HOPX: variants seen among roughly 807,000 people sequenced by gnomAD.
The protein encoded by HOPX is homeodomain-only protein.
Under a neutral mutation model 11.8 loss-of-function variants are expected in HOPX, and 5 were observed. The ratio of observed to expected loss-of-function variants is 0.43; its 90% CI spans 0.22 to 0.89. The LOEUF is 0.89. Among genes scored for constraint, HOPX ranks in the 40% least tolerant of loss-of-function variants. The pLI is 0.28. For synonymous variants in HOPX, 49 were observed against 49.7 expected, an observed-to-expected ratio of 0.99 and a Z score of 0.06; for missense variants, 119 against 120.0, an observed-to-expected ratio of 0.99 and a Z score of 0.04.
At chr4:56,656,103 C>T in intron 2 of HOPX, 91 bp from the exon 3 acceptor site, 1 of 1,320,814 alleles carries the variant, frequency 7.6e-7, no homozygotes, top group Non-Finnish European at 9.7e-7. Flanking sequence ...GCCGGGCAGC[C>T]CCAGCCCCAG....
chr4:56,666,944 T>A (rs1240692775), intron 1 of HOPX, among the ~76,000 whole-genome samples: 1 of 152,192 alleles, frequency 6.6e-6, no homozygotes, highest in Non-Finnish European at 1.5e-5. Context: ...TATTGAAATA[T>A]CCTGGTGAAA....
chr4:56,667,336 T>C (rs1718490596), intron 1 of HOPX, among the ~76,000 whole-genome samples: 1 of 152,268 alleles, frequency 6.6e-6, no homozygotes, highest in Admixed American at 6.5e-5. Flanking sequence ...GATTTGATAA[T>C]TCAATTTGTT....
chr4:56,670,524 T>C (rs573851216), intron 1 of HOPX, among the ~76,000 whole-genome samples: 1 of 152,336 alleles, frequency 6.6e-6, no homozygotes, highest in African/African-American at 2.4e-5. Flanking sequence ...ATATTCCTTT[T>C]ATGTTTTGGA....
intron 3 of HOPX, chr4:56,649,190 T>G (rs1716922719): frequency 6.1e-6 from 1 of 163,328 alleles, no homozygotes. Flanking sequence ...GTGTATTCAC[T>G]TGTTTTAAAT....
Position 56,648,815 on chromosome 4 carries a change from GA to G in HOPX, c.199-19del, listed in dbSNP as rs765957108. The G allele has an allele frequency of 6.3e-7, 1 of 1,595,764 alleles. No homozygotes were observed. The highest frequency in any genetic ancestry group is 8.6e-7 in the Non-Finnish European group (1 of 1,165,528). ...AACCATTTCTGGAAGAGAGAAATGA[GA>G]AAAAATATTTGTCACATACAGAAAA... is the stretch of plus-strand genomic sequence containing the variant. On this transcript the variant is annotated intron_variant, in intron 3 of 3. Transcript: ENST00000420433.
At chr4:56,656,373 C>G (rs1560365148) in intron 2 of HOPX, 3 of 1,017,970 alleles carry the variant, frequency 2.9e-6, no homozygotes, top group Non-Finnish European at 1.2e-6. Context: ...GTGAAGGAAG[C>G]GCGGGGGTGA....
chr4:56,680,527 C>A (rs1719268621), intron 1 of HOPX: 1 of 152,164 alleles, frequency 6.6e-6, no homozygotes, highest in South Asian at 2.1e-4. Context: ...TGTTTGCATT[C>A]CTTTTCTCTT....
rs181175233 is a variant in HOPX, at chr4:56,652,645, C to T, written c.198+3212G>A. ...CAACATAGTGAGACCCCCATCTCTA[C>T]AAACAATTTAAAAATTAGCTTAAAA... On this transcript the variant is annotated intron_variant, in intron 3 of 3. Coordinates refer to ENST00000420433, the MANE Select transcript of HOPX (RefSeq NM_032495.6). Among the ~76,000 whole-genome samples, 151 of 152,182 alleles carry T rather than the reference C, an allele frequency of 9.9e-4. 1 individual carries two copies. In the East Asian group the frequency reaches 0.027, roughly 27 times the overall value.
chr4:56,656,539 TTTGGGGCCCTCTCCAGGCA>T, intron 2 of HOPX: 1 of 931,290 alleles, frequency 1.1e-6, no homozygotes, highest in Non-Finnish European at 1.3e-6. Flanking sequence ...GGGTTGGCGC[TTTGGGGCCCTCTCCAGGCA>T]GGGCTGCACA....
intron 3 of HOPX, 24 bp from the exon 4 acceptor site, chr4:56,648,821 A>G (rs1267893628): frequency 6.3e-7 from 1 of 1,589,706 alleles, no homozygotes; most frequent in East Asian, 2.2e-5. Context: ...ATGAGAAAAA[A>G]TATTTGTCAC....
In HOPX at chr4:56,657,762, C is replaced by T. The variant is rs1479969221; in HGVS notation, c.42+13G>A. 1 of 1,056,574 alleles carries T rather than the reference C, an allele frequency of 9.5e-7. No individual in the cohort carries two copies. The highest frequency in any genetic ancestry group is 1.6e-5 in the African/African-American group (1 of 63,520). 65.4% of individuals were successfully genotyped at this position (1,056,574 alleles called of 1,614,324 possible). ...CACACAACTTCAGAGCTGGGAAGAA[C>T]CTTGGAAATTACCTCTTCCAGTCTT... On this transcript the variant is annotated intron_variant, in intron 2 of 3. Transcript: ENST00000420433.
Position 56,662,195 on chromosome 4 carries a change from G to A in HOPX, c.-83-4296C>T, listed in dbSNP as rs564179103. 2.6e-5 allele frequency among the ~76,000 whole-genome samples: 4 copies of A among 152,354 alleles called. No homozygotes were observed. The South Asian group carries it at 6.2e-4, about 24-fold the overall frequency. On this transcript the variant is annotated intron_variant, in intron 1 of 3. Transcript: ENST00000420433. Reference sequence around the variant, plus strand: ...TGTGGGTTTAAAATAGGATATCCATGTAAACTGAAATAATGCGCTTACATG... The same window carrying A: ...TGTGGGTTTAAAATAGGATATCCATATAAACTGAAATAATGCGCTTACATG...
chr4:56,655,887 G>A lies in HOPX; in HGVS notation c.168C>T (p.Ala56=). The part of the protein sequence containing the change: ...PDSTTLCLIA[A]EAGLSEEETQ... ...TCTCCTCCTCGGAAAGGCCTGCCTC[G>A]GCCGCGATGAGGCACAGCGTGGTGG... Residue 56 remains alanine (A), a synonymous_variant, in exon 3 of 4, where the codon GCC becomes GCT. Coordinates refer to ENST00000420433, the MANE Select transcript of HOPX (RefSeq NM_032495.6). The A allele has an allele frequency of 6.2e-7, 1 of 1,611,922 alleles. No homozygotes were observed. The highest frequency in any genetic ancestry group is 8.5e-7 in the Non-Finnish European group (1 of 1,179,120).
At chr4:56,676,545 T>A (rs1057401369) in intron 1 of HOPX, 9 of 151,602 alleles carry the variant, frequency 5.9e-5, no homozygotes, top group African/African-American at 2.2e-4. Flanking sequence ...TCTTTTCTTT[T>A]TTTTTTTATT....
intron 1 of HOPX, among the ~76,000 whole-genome samples, 177 bp from the exon 2 acceptor site, chr4:56,658,076 T>G (rs925841733): frequency 3.3e-5 from 5 of 152,220 alleles, no homozygotes; most frequent in Admixed American, 6.5e-5. Context: ...CAGCTGCCTC[T>G]GATTTTACTT....
chr4:56,668,753 A>G (rs1006751318), intron 1 of HOPX, among the ~76,000 whole-genome samples: 1 of 152,210 alleles, frequency 6.6e-6, no homozygotes, highest in African/African-American at 2.4e-5. Context: ...TATGTAGGAA[A>G]TACACTTTAA....
intron 2 of HOPX, among the ~76,000 whole-genome samples, chr4:56,656,794 TCTTTCTAAGTATG>T (rs2109486885): frequency 6.6e-6 from 1 of 152,230 alleles, no homozygotes. Context: ...TCGCCCCCAC[TCTTTCTAAGTATG>T]CTTTAGTGAG....
intron 3 of HOPX, 120 bp downstream of exon 3, chr4:56,655,737 C>T: frequency 2.5e-6 from 3 of 1,184,408 alleles, no homozygotes; most frequent in Admixed American, 2.2e-5. Flanking sequence ...CGGGCAGAAG[C>T]GATGGGAGAT....
intron 1 of HOPX, among the ~76,000 whole-genome samples, chr4:56,669,682 AATAATAATAATAAT>A (rs1457164332): frequency 3.3e-5 from 5 of 150,250 alleles, no homozygotes; most frequent in Admixed American, 6.7e-5. Flanking sequence ...TAATAATAAT[AATAATAATAATAAT>A]AATAATAACA....
Sources: gnomAD v4.1 joint callset for allele counts (sites outside exome capture counted in the v4.1 genomes callset) on GRCh38, gnomAD v4.1.1 for gene constraint, MANE v1.5 for transcripts, NCBI Gene and HGNC (gene_info 2026-07-23, HGNC 2026-07-21) for gene names.